The following KIAA1671 variants were observed in gnomAD, a reference collection of about 807,000 sequenced individuals.
KIAA1671 encodes the protein uncharacterized protein KIAA1671.
A neutral mutation model predicts 131.2 loss-of-function variants in KIAA1671; 52 were observed. The observed-to-expected ratio is 0.40, with a 90% CI of 0.32 to 0.50. KIAA1671 has a LOEUF of 0.50. Among genes scored for constraint, KIAA1671 ranks in the 20% least tolerant of loss-of-function variants. The probability of loss-of-function intolerance (pLI) is 0.73; values close to 1 mark genes in which losing one functional copy is unlikely to be tolerated. For missense variants in KIAA1671, 2,360 were observed against 2,364.2 expected, an observed-to-expected ratio of 1.00 and a Z score of 0.04; for synonymous variants, 1,003 against 961.6, an observed-to-expected ratio of 1.04 and a Z score of -0.80.
chr22:25,059,225 G>C (rs972870269), intron 6 of KIAA1671: 1 of 152,280 alleles, frequency 6.6e-6, no homozygotes, highest in Non-Finnish European at 1.5e-5. Flanking sequence ...CCAGCACTTT[G>C]GGAGGCCAAG....
At chr22:25,093,748 C>CTCTCTG (rs1930185200) in intron 6 of KIAA1671, among the ~76,000 whole-genome samples, 12 of 111,484 alleles carry the variant, frequency 1.1e-4, no homozygotes, top group African/African-American at 2.2e-4. Context: ...CTCTCTCTCT[C>CTCTCTG]TCTCTCTCTC....
chr22:25,005,294 G>A (rs1404069885), intron 1 of KIAA1671, among the ~76,000 whole-genome samples: 2 of 148,264 alleles, frequency 1.3e-5, no homozygotes, highest in Non-Finnish European at 3.0e-5. Context: ...GTTGCAGTGA[G>A]CCAAGATGGT....
chr22:25,137,008 C>T (rs988778416), intron 6 of KIAA1671, among the ~76,000 whole-genome samples: 4 of 152,124 alleles, frequency 2.6e-5, no homozygotes, highest in South Asian at 2.1e-4. Context: ...CTTTCAGCTC[C>T]GCAATCCTAT....
intron 6 of KIAA1671, among the ~76,000 whole-genome samples, chr22:25,116,998 G>T (rs981966594): frequency 1.3e-5 from 2 of 152,132 alleles, no homozygotes; most frequent in East Asian, 1.9e-4. Context: ...TTATGGCTGT[G>T]GGGGGTAAGG....
Position 25,041,032 on chromosome 22 carries a change from C to T in KIAA1671, c.3902C>T (p.Pro1301Leu). Residue 1301 changes from proline (P) to leucine (L), a missense_variant, in exon 5 of 13, where the codon CCC (proline) becomes CTC (leucine). This residue lies in a region of KIAA1671 where 1,161 missense variants were observed against 1,204.7 expected (regional missense o/e 0.96). Transcript: ENST00000358431. ...AGCCCTCCCTTCTGGGCTCTGCCACCCTCGGCTCCTTCTGAAAGGTATCCA... is the reference window on the plus strand; with the variant it reads ...AGCCCTCCCTTCTGGGCTCTGCCACTCTCGGCTCCTTCTGAAAGGTATCCA... The part of the protein sequence containing the change: ...KSSPPFWALP[P>L]SAPSERYPGG... The T allele has an allele frequency of 2.7e-6, 4 of 1,498,302 alleles. No homozygotes were observed. Among genetic ancestry groups the T allele is most frequent in the Non-Finnish European group, 3.6e-6 (4 of 1,122,444 alleles). The allele number at this position is 1,498,302 out of a possible 1,614,324, so 92.8% of individuals were successfully genotyped here.
chr22:24,965,437 C>G (rs1922248791), intron 1 of KIAA1671, among the ~76,000 whole-genome samples: 1 of 150,900 alleles, frequency 6.6e-6, no homozygotes, highest in African/African-American at 2.4e-5. Context: ...CGGGAGACCT[C>G]CCCCATAAAA....
intron 6 of KIAA1671, among the ~76,000 whole-genome samples, chr22:25,109,346 G>A (rs1931210667): frequency 1.3e-5 from 2 of 152,068 alleles, no homozygotes; most frequent in South Asian, 4.1e-4. Flanking sequence ...TTGACCTTGT[G>A]ATCCACCCGC....
At chr22:25,132,712 C>T (rs1347565431) in intron 6 of KIAA1671, among the ~76,000 whole-genome samples, 1 of 152,152 alleles carries the variant, frequency 6.6e-6, no homozygotes, top group Admixed American at 6.5e-5. Context: ...ACAGGTTCTC[C>T]TCACTTTCAC....
At chr22:25,057,643 AT>A (rs34386648) in intron 6 of KIAA1671, 70,880 of 133,614 alleles carry the variant, frequency 0.53, 19,200 homozygotes, top group African/African-American at 0.69. Flanking sequence ...TCTGCTGGGC[AT>A]TTTTTTTTTT....
intron 5 of KIAA1671, among the ~76,000 whole-genome samples, chr22:25,045,814 C>T (rs769030935): frequency 1.3e-5 from 2 of 152,054 alleles, no homozygotes; most frequent in African/African-American, 4.8e-5. Flanking sequence ...TGGTTTTGAA[C>T]TCCTGGCCTC....
At position 25,041,371 on chromosome 22, in the gene KIAA1671, C is replaced by T; in HGVS notation, c.4241C>T (p.Pro1414Leu). ...DIKRAYSEKG[P>L]PANIREGLSI... is the part of the protein sequence containing the mutation. ...AAGAGGGCCTACTCAGAGAAGGGGC[C>T]CCCTGCCAACATCCGAGAGGGCCTG... Residue 1414 changes from proline (P) to leucine (L), a missense_variant, in exon 5 of 13, where the codon CCC becomes CTC. Pro to Leu is a moderately conservative substitution (Grantham distance 98). Around this residue, in one of 3 missense-constraint regions of KIAA1671, gnomAD observed 1,161 missense variants for 1,204.7 expected, o/e 0.96. Coordinates refer to ENST00000358431, the MANE Select transcript of KIAA1671 (RefSeq NM_001145206.2). The T allele has an allele frequency of 3.9e-6, 6 of 1,551,682 alleles. No homozygotes were observed. Among genetic ancestry groups the T allele is most frequent in the Non-Finnish European group, 5.2e-6 (6 of 1,146,984 alleles).
At chr22:24,971,833 T>G (rs1334169382) in intron 1 of KIAA1671, among the ~76,000 whole-genome samples, 1 of 152,162 alleles carries the variant, frequency 6.6e-6, no homozygotes, top group Non-Finnish European at 1.5e-5. Context: ...TCAAACAGGC[T>G]GGAATTCTTA....
chr22:25,107,161 C>T (rs5760859), intron 6 of KIAA1671, among the ~76,000 whole-genome samples: 44,403 of 151,910 alleles, frequency 0.29, 6,588 homozygotes, highest in Middle Eastern at 0.34. Flanking sequence ...CTTTGGGAGG[C>T]GGAGGGGGGC....
Position 25,001,986 on chromosome 22 carries a change from C to CAT in KIAA1671, c.-207-23639_-207-23638dup, listed in dbSNP as rs561357248. On this transcript the variant is annotated intron_variant, in intron 1 of 12. Transcript: ENST00000358431. ...ACATTTATATACATATACAGACATA[C>CAT]ATATATATACATACACATATTGCAT... is the stretch of plus-strand genomic sequence containing the variant. Among the ~76,000 whole-genome samples, 59 of 152,032 alleles carry CAT rather than the reference C, an allele frequency of 3.9e-4. No homozygotes were observed. The East Asian group carries it at 8.9e-3, about 23-fold the overall frequency.
At chr22:24,983,490 T>C (rs1923336807) in intron 1 of KIAA1671, among the ~76,000 whole-genome samples, 1 of 151,854 alleles carries the variant, frequency 6.6e-6, no homozygotes, top group Non-Finnish European at 1.5e-5. Flanking sequence ...GGACCCTATT[T>C]CCAAAGAAGG....
intron 6 of KIAA1671, among the ~76,000 whole-genome samples, chr22:25,140,381 C>CTTTTTTT: frequency 6.8e-6 from 1 of 146,888 alleles, no homozygotes; most frequent in East Asian, 2.0e-4. Flanking sequence ...TTTTTTTTTC[C>CTTTTTTT]TTTTTTTTTT....
At chr22:25,110,632 C>G (rs550175342) in intron 6 of KIAA1671, among the ~76,000 whole-genome samples, 2 of 152,308 alleles carry the variant, frequency 1.3e-5, no homozygotes, top group Non-Finnish European at 2.9e-5. Flanking sequence ...CTGCCCACCC[C>G]CTTCTAACAA....
intron 6 of KIAA1671, among the ~76,000 whole-genome samples, chr22:25,114,003 CCATGGGCATTGGCATG>C (rs1442318727): frequency 1.3e-5 from 2 of 152,120 alleles, no homozygotes; most frequent in Non-Finnish European, 2.9e-5. Flanking sequence ...AGTGGTGTGA[CCATGGGCATTGGCATG>C]AATCCCCTAG....
At chr22:25,038,442 CT>C (rs1257314012) in intron 4 of KIAA1671, among the ~76,000 whole-genome samples, 6 of 152,218 alleles carry the variant, frequency 3.9e-5, no homozygotes, top group Non-Finnish European at 7.3e-5. Flanking sequence ...GCTGTCTCAA[CT>C]TTCTTGTTTG....
Sources: gnomAD v4.1 joint callset for allele counts (sites outside exome capture counted in the v4.1 genomes callset) on GRCh38, gnomAD v4.1.1 for gene constraint, gnomAD v4.1.1 regional missense constraint, MANE v1.5 for transcripts, NCBI Gene and HGNC (gene_info 2026-07-23, HGNC 2026-07-21) for gene names.